Variants in SERGEF observed in about 807,000 individuals in gnomAD.
The protein encoded by SERGEF is secretion-regulating guanine nucleotide exchange factor.
A neutral mutation model predicts 50.0 loss-of-function variants in SERGEF; 51 were observed. That is an observed-to-expected ratio of 1.02 (90% CI 0.81 to 1.29). The LOEUF (loss-of-function observed/expected upper bound fraction) is 1.29, where lower values mean the gene tolerates loss of function less well. Ranked by LOEUF, SERGEF falls within the 50% of genes most tolerant of loss-of-function variation. The pLI, the probability that SERGEF is intolerant of heterozygous loss-of-function variation, is 0.00. For missense variants in SERGEF, 521 were observed against 557.0 expected (o/e 0.94, Z 0.65); for synonymous variants, 205 against 212.4 (o/e 0.97, Z 0.30).
At chr11:17,851,782 CTG>C (rs761908657) in intron 10 of SERGEF, among the ~76,000 whole-genome samples, 21 of 152,340 alleles carry the variant, frequency 1.4e-4, no homozygotes, top group Non-Finnish European at 1.8e-4. Flanking sequence ...TCCAAGGTGA[CTG>C]TGCTGGACAC....
chr11:17,899,226 G>C (rs1213970397), intron 9 of SERGEF, among the ~76,000 whole-genome samples: 1 of 152,028 alleles, frequency 6.6e-6, no homozygotes, highest in Non-Finnish European at 1.5e-5. Flanking sequence ...AAATACCAGG[G>C]CACTTTAAAA....
intron 9 of SERGEF, among the ~76,000 whole-genome samples, chr11:17,929,430 A>T (rs1470972302): frequency 2.6e-5 from 4 of 152,230 alleles, no homozygotes; most frequent in African/African-American, 4.8e-5. Flanking sequence ...GTGTGTGGAC[A>T]TTCAAAATAT....
At chr11:17,961,518 T>C (rs184904105) in intron 8 of SERGEF, among the ~76,000 whole-genome samples, 1 of 152,298 alleles carries the variant, frequency 6.6e-6, no homozygotes, top group Admixed American at 6.5e-5. Flanking sequence ...ACGCATTGAA[T>C]CCTTTCTTTC....
At chr11:17,830,553 GGAGAGAGAGAGGAAGAGAGGGA>G (rs1488526451) in intron 10 of SERGEF, among the ~76,000 whole-genome samples, 4 of 146,676 alleles carry the variant, frequency 2.7e-5, no homozygotes, top group African/African-American at 1.0e-4. Context: ...GAAGAGAGAG[GGAGAGAGAGAGGAAGAGAGGGA>G]GAGAGATGGG....
intron 10 of SERGEF, among the ~76,000 whole-genome samples, chr11:17,859,305 TAAGA>T (rs964219638): frequency 5.9e-5 from 9 of 152,114 alleles, no homozygotes; most frequent in African/African-American, 2.2e-4. Flanking sequence ...GGATTAAAAA[TAAGA>T]AAGAACCTTA....
chr11:17,959,681 T>G, intron 8 of SERGEF, 45 bp from the exon 9 acceptor site: 17 of 1,470,572 alleles, frequency 1.2e-5, no homozygotes, highest in African/African-American at 1.4e-5. Flanking sequence ...TCCACAGCTG[T>G]GCTCTCATGG....
intron 9 of SERGEF, among the ~76,000 whole-genome samples, chr11:17,924,934 C>G (rs924977972): frequency 5.9e-5 from 9 of 152,154 alleles, no homozygotes; most frequent in Non-Finnish European, 8.8e-5. Context: ...CCAGAGGTCA[C>G]AGTCACCACT....
At chr11:17,874,475 C>T (rs908688240) in intron 10 of SERGEF, among the ~76,000 whole-genome samples, 1 of 152,132 alleles carries the variant, frequency 6.6e-6, no homozygotes, top group South Asian at 2.1e-4. Context: ...GTCATGGGGG[C>T]ACCTGGTGGC....
At chr11:17,975,450 G>A (rs1213461317) in intron 8 of SERGEF, among the ~76,000 whole-genome samples, 1 of 152,022 alleles carries the variant, frequency 6.6e-6, no homozygotes, top group African/African-American at 2.4e-5. Context: ...CAAGATGAAA[G>A]GTAACATGAT....
At chr11:17,926,493 C>T (rs891967362) in intron 9 of SERGEF, among the ~76,000 whole-genome samples, 3 of 152,182 alleles carry the variant, frequency 2.0e-5, no homozygotes, top group Non-Finnish European at 4.4e-5. Flanking sequence ...TTTACTCCAG[C>T]GTACCCCTGT....
intron 9 of SERGEF, among the ~76,000 whole-genome samples, chr11:17,893,413 A>G (rs1405900849): frequency 6.6e-6 from 1 of 152,200 alleles, no homozygotes; most frequent in African/African-American, 2.4e-5. Context: ...ATGCTAAAGA[A>G]CCCAACCCAT....
At chr11:18,008,535 G>A (rs768550177) in intron 1 of SERGEF, among the ~76,000 whole-genome samples, 1 of 152,216 alleles carries the variant, frequency 6.6e-6, no homozygotes, top group Non-Finnish European at 1.5e-5. Context: ...GGCTGAAGGG[G>A]ACATGAGTCC....
At chr11:17,794,050 G>A (rs1177943395) in intron 10 of SERGEF, among the ~76,000 whole-genome samples, 2 of 152,222 alleles carry the variant, frequency 1.3e-5, no homozygotes, top group African/African-American at 4.8e-5. Context: ...GCTAGGGAGG[G>A]GGCAGCATTT....
At position 17,830,672 on chromosome 11, in the gene SERGEF, G is replaced by GAGAGAGAGAC. The variant is rs1554999480; in HGVS notation, c.1049-42260_1049-42259insGTCTCTCTCT. The stretch of plus-strand genomic sequence containing the variant: ...AGGGAGAGAGAGAGAGAGAGAGAGA[G>GAGAGAGAGAC]AGAGAGAGAGAGAGAGCACATGTAC... On this transcript the variant is annotated intron_variant, in intron 10 of 10. Coordinates refer to ENST00000265965, the MANE Select transcript of SERGEF (RefSeq NM_012139.4). Among the ~76,000 whole-genome samples the GAGAGAGAGAC allele has an allele frequency of 4.4e-4, 64 of 144,980 alleles. 2 individuals carry two copies. Among genetic ancestry groups the GAGAGAGAGAC allele is most frequent in the African/African-American group, 1.6e-3 (60 of 38,294 alleles).
At chr11:17,795,744 C>T (rs773882607) in intron 10 of SERGEF, among the ~76,000 whole-genome samples, 28 of 152,326 alleles carry the variant, frequency 1.8e-4, no homozygotes, top group Non-Finnish European at 3.2e-4. Context: ...TTGTGCTGCA[C>T]ACAAGACCCA....
intron 9 of SERGEF, among the ~76,000 whole-genome samples, chr11:17,879,826 A>G (rs1272744879): frequency 1.3e-5 from 2 of 152,228 alleles, no homozygotes; most frequent in Non-Finnish European, 2.9e-5. Context: ...ATCATATTGT[A>G]TACAGTAAAC....
intron 8 of SERGEF, among the ~76,000 whole-genome samples, chr11:17,963,181 C>CAAAAAAA (rs1164488575): frequency 3.0e-4 from 5 of 16,482 alleles, no homozygotes; most frequent in African/African-American, 4.6e-4. Context: ...GACTCTGTTT[C>CAAAAAAA]AAAAAAAAAA....
intron 9 of SERGEF, among the ~76,000 whole-genome samples, chr11:17,942,356 C>T (rs1852577926): frequency 2.0e-5 from 3 of 151,994 alleles, no homozygotes; most frequent in Non-Finnish European, 4.4e-5. Context: ...ATATTTTGTA[C>T]TTTTTGATAT....
intron 10 of SERGEF, among the ~76,000 whole-genome samples, chr11:17,828,478 G>A (rs915320427): frequency 6.6e-5 from 10 of 152,198 alleles, no homozygotes; most frequent in African/African-American, 1.4e-4. Context: ...CACGGCTGTC[G>A]CCTGCTCACT....
Sources: allele counts gnomAD v4.1 joint callset (sites outside exome capture counted in the v4.1 genomes callset), GRCh38; gene constraint gnomAD v4.1.1; transcripts MANE v1.5; gene names NCBI Gene and HGNC (gene_info 2026-07-23, HGNC 2026-07-21).